The following NRG3 variants were observed in gnomAD, a reference collection of about 807,000 sequenced individuals.
NRG3 encodes neuregulin 3.
Under a neutral mutation model 66.9 loss-of-function variants are expected in NRG3, and 31 were observed. That is an observed-to-expected ratio of 0.46 (90% CI 0.35 to 0.63). The LOEUF is 0.63. Ranked by LOEUF, NRG3 falls within the 20% of genes least tolerant of loss-of-function variation. The pLI, the probability that NRG3 is intolerant of heterozygous loss-of-function variation, is 0.00. For synonymous variants in NRG3, 393 were observed against 359.4 expected, an observed-to-expected ratio of 1.09 and a Z score of -1.06; for missense variants, 910 against 878.9, an observed-to-expected ratio of 1.04 and a Z score of -0.45.
intron 2 of NRG3, among the ~76,000 whole-genome samples, chr10:82,719,461 C>T (rs2057168307): frequency 6.6e-6 from 1 of 152,188 alleles, no homozygotes; most frequent in Non-Finnish European, 1.5e-5. Context: ...TGTCCTGGCC[C>T]TTCTTCTATT....
chr10:82,095,396 G>A (rs893236793), intron 1 of NRG3, among the ~76,000 whole-genome samples: 2 of 152,124 alleles, frequency 1.3e-5, no homozygotes, highest in African/African-American at 4.8e-5. Flanking sequence ...TAAAATAAAT[G>A]CAGGAAAGCT....
At chr10:82,399,667 T>C (rs1471809138) in intron 2 of NRG3, among the ~76,000 whole-genome samples, 1 of 152,126 alleles carries the variant, frequency 6.6e-6, no homozygotes, top group Non-Finnish European at 1.5e-5. Context: ...AATCCTATCA[T>C]AGGGGGTTTA....
chr10:82,886,314 C>T (rs972704643), intron 4 of NRG3, among the ~76,000 whole-genome samples: 1 of 152,160 alleles, frequency 6.6e-6, no homozygotes, highest in African/African-American at 2.4e-5. Context: ...TTTACAAAGG[C>T]ACTTCCTTTC....
At chr10:82,141,848 T>C (rs1027938866) in intron 1 of NRG3, among the ~76,000 whole-genome samples, 1 of 152,172 alleles carries the variant, frequency 6.6e-6, no homozygotes, top group African/African-American at 2.4e-5. Context: ...GCCAGTACAG[T>C]GGGTGCTATT....
At chr10:82,124,271 A>G (rs1039364003) in intron 1 of NRG3, among the ~76,000 whole-genome samples, 2 of 151,972 alleles carry the variant, frequency 1.3e-5, no homozygotes, top group Non-Finnish European at 1.5e-5. Flanking sequence ...AGGTAACTTG[A>G]ACTCTTTGGG....
At chr10:82,086,102 CTG>C (rs1344202242) in intron 1 of NRG3, among the ~76,000 whole-genome samples, 1 of 148,326 alleles carries the variant, frequency 6.7e-6, no homozygotes, top group East Asian at 2.0e-4. Flanking sequence ...ATTTGGGTAA[CTG>C]ATATGGAATC....
At chr10:82,648,504 T>C (rs1006743960) in intron 2 of NRG3, among the ~76,000 whole-genome samples, 1 of 152,172 alleles carries the variant, frequency 6.6e-6, no homozygotes, top group Non-Finnish European at 1.5e-5. Flanking sequence ...TTTTTGGTTC[T>C]GTATGAACTT....
chr10:82,869,468 T>G (rs1449038606), intron 4 of NRG3, among the ~76,000 whole-genome samples: 1 of 152,160 alleles, frequency 6.6e-6, no homozygotes. Flanking sequence ...ATGATATGTA[T>G]CCATTATTAT....
At chr10:81,950,301 A>G (rs1464580015) in intron 1 of NRG3, among the ~76,000 whole-genome samples, 3 of 152,218 alleles carry the variant, frequency 2.0e-5, no homozygotes, top group South Asian at 4.1e-4. Flanking sequence ...TAGCTCACAT[A>G]AAAAGGAATG....
At chr10:82,410,450 CATAT>C (rs3068948) in intron 2 of NRG3, among the ~76,000 whole-genome samples, 1 of 145,752 alleles carries the variant, frequency 6.9e-6, no homozygotes, top group African/African-American at 2.5e-5. Flanking sequence ...TCCATATATA[CATAT>C]ATATATATAT....
At chr10:82,033,110 G>A (rs545798385) in intron 1 of NRG3, among the ~76,000 whole-genome samples, 22 of 152,238 alleles carry the variant, frequency 1.4e-4, no homozygotes, top group African/African-American at 5.3e-4. Context: ...TGTGAAAATT[G>A]AAGGAAAACT....
intron 2 of NRG3, among the ~76,000 whole-genome samples, chr10:82,516,444 C>T (rs943577864): frequency 6.6e-6 from 1 of 152,136 alleles, no homozygotes; most frequent in Non-Finnish European, 1.5e-5. Flanking sequence ...AACCAATATA[C>T]TAAGTATAAG....
intron 2 of NRG3, among the ~76,000 whole-genome samples, chr10:82,585,914 A>ATT (rs1355577172): frequency 6.6e-6 from 1 of 152,226 alleles, no homozygotes; most frequent in Non-Finnish European, 1.5e-5. Context: ...TGTTCAAACT[A>ATT]TTGAAATAGG....
chr10:82,718,159 AC>A (rs2134467090), intron 2 of NRG3, among the ~76,000 whole-genome samples: 1 of 152,322 alleles, frequency 6.6e-6, no homozygotes, highest in Non-Finnish European at 1.5e-5. Context: ...CACTGGCTTT[AC>A]CCTAATTTCT....
chr10:82,249,913 A>G (rs939215632), intron 1 of NRG3, among the ~76,000 whole-genome samples: 2 of 152,210 alleles, frequency 1.3e-5, no homozygotes, highest in African/African-American at 2.4e-5. Flanking sequence ...GTTTGCACCC[A>G]AAAAGATTTG....
intron 3 of NRG3, among the ~76,000 whole-genome samples, chr10:82,842,848 G>T (rs553080889): frequency 2.1e-4 from 32 of 152,154 alleles, no homozygotes; most frequent in African/African-American, 7.7e-4. Context: ...AGCCTGTGGC[G>T]TAGCTGGGAC....
intron 2 of NRG3, among the ~76,000 whole-genome samples, chr10:82,387,416 G>C (rs571523010): frequency 1.3e-5 from 2 of 152,268 alleles, no homozygotes; most frequent in Admixed American, 1.3e-4. Context: ...TGGTTGGTTG[G>C]CATTGTCTTA....
At chr10:82,753,997 C>G (rs1433334487) in intron 3 of NRG3, among the ~76,000 whole-genome samples, 2 of 150,070 alleles carry the variant, frequency 1.3e-5, no homozygotes, top group Non-Finnish European at 3.0e-5. Flanking sequence ...ACTAATATTT[C>G]TATCTAAAAA....
chr10:82,779,053 G>A (rs887079803), intron 3 of NRG3, among the ~76,000 whole-genome samples: 1 of 152,024 alleles, frequency 6.6e-6, no homozygotes, highest in Non-Finnish European at 1.5e-5. Flanking sequence ...CTTGTTCCTG[G>A]GGCAGGGCAT....
Sources: allele counts gnomAD v4.1 joint callset (sites outside exome capture counted in the v4.1 genomes callset), GRCh38; gene constraint gnomAD v4.1.1; transcripts MANE v1.5; gene names NCBI Gene and HGNC (gene_info 2026-07-23, HGNC 2026-07-21).